The following PSMA4 variants were observed in gnomAD, a reference collection of about 807,000 sequenced individuals.
The protein encoded by PSMA4 is proteasome 20S subunit alpha 4.
PSMA4 carries 8 observed loss-of-function variants against 37.2 expected under a neutral mutation model. That is an observed-to-expected ratio of 0.22 (90% CI 0.13 to 0.39). The LOEUF is 0.39. PSMA4 is among the 10% of genes least tolerant of loss of function. The pLI is 1.00. For synonymous variants in PSMA4, 93 were observed against 98.8 expected (o/e 0.94, Z 0.35); for missense variants, 169 against 305.1 (o/e 0.55, Z 3.32).
intron 8 of PSMA4, among the ~76,000 whole-genome samples, chr15:78,547,898 T>C (rs1448065572): frequency 6.6e-6 from 1 of 151,908 alleles, no homozygotes; most frequent in African/African-American, 2.4e-5. Flanking sequence ...CATGTTGCTT[T>C]ATGTTAGGAC....
At chr15:78,548,636 A>G (rs2052597977) in intron 8 of PSMA4, among the ~76,000 whole-genome samples, 154 bp from the exon 9 acceptor site, 1 of 152,234 alleles carries the variant, frequency 6.6e-6, no homozygotes, top group African/African-American at 2.4e-5. Flanking sequence ...TATTGTTCTC[A>G]TAAAAGGGAA....
intron 7 of PSMA4, 80 bp from the exon 8 acceptor site, chr15:78,546,495 C>A (rs76189127): frequency 0.083 from 102,609 of 1,242,860 alleles, 4,785 homozygotes; most frequent in Non-Finnish European, 0.099. Flanking sequence ...AATAATAATT[C>A]AGGCATTTTT....
In PSMA4 at chr15:78,549,032, A is replaced by T. The variant is rs1467059093; in HGVS notation, c.*88A>T. The T allele has an allele frequency of 1.1e-5, 16 of 1,465,944 alleles. No homozygotes were observed. The African/African-American group carries it at 2.3e-4, about 21-fold the overall frequency. The allele number at this position is 1,465,944 out of a possible 1,614,324, so 90.8% of individuals were successfully genotyped here. A position where few individuals can be genotyped will look rare whatever the true frequency, so the allele number is the denominator to read the frequency against. ...ACACTAGGAAGGCTTTACTTTTTTT[A>T]ACTGGTGCAGTGGGAAAATAGGACA... On this transcript the variant is annotated 3_prime_UTR_variant, in exon 9 of 9. Transcript: ENST00000044462.
intron 8 of PSMA4, among the ~76,000 whole-genome samples, chr15:78,546,982 T>A (rs536493987): frequency 2.6e-4 from 40 of 152,316 alleles, no homozygotes; most frequent in Non-Finnish European, 5.0e-4. Context: ...GCCAGGCTAG[T>A]CATGACCTCC....
intron 8 of PSMA4, among the ~76,000 whole-genome samples, chr15:78,547,417 A>G (rs925338505): frequency 4.6e-5 from 7 of 152,256 alleles, no homozygotes; most frequent in Admixed American, 1.3e-4. Flanking sequence ...ATACTTTACC[A>G]GAGATACAAC....
intron 4 of PSMA4, among the ~76,000 whole-genome samples, chr15:78,543,281 T>C (rs909744459): frequency 7.2e-5 from 11 of 152,142 alleles, no homozygotes; most frequent in African/African-American, 2.7e-4. Context: ...GGCCTTTTGA[T>C]AAACTTGTCC....
At position 78,549,934 on chromosome 15, in the gene PSMA4, C is replaced by G. The variant is rs1404082911; in HGVS notation, c.*990C>G. Reference sequence around the variant, plus strand: ...ATTGAGCCATCATTTACCCTTCTCTCAGCTGTTGTCAACCAAATATGTGCT... The same window carrying G: ...ATTGAGCCATCATTTACCCTTCTCTGAGCTGTTGTCAACCAAATATGTGCT... On this transcript the variant is annotated 3_prime_UTR_variant, in exon 9 of 9. Coordinates refer to ENST00000044462, the MANE Select transcript of PSMA4 (RefSeq NM_002789.6). 6.5e-6 allele frequency: 1 copy of G among 152,784 alleles called. No individual in the cohort carries two copies. The highest frequency in any genetic ancestry group is 6.5e-5 in the Admixed American group (1 of 15,286). 9.5% of individuals were successfully genotyped at this position (152,784 alleles called of 1,614,324 possible). A position where few individuals can be genotyped will look rare whatever the true frequency, so the allele number is the denominator to read the frequency against.
At position 78,545,698 on chromosome 15, in the gene PSMA4, C is replaced by T; in HGVS notation, c.441C>T (p.Leu147=). ...IGWDKHYGFQ[L]YQSDPSGNYG... is the part of the protein sequence containing the mutation. ...GGGATAAGCACTATGGCTTTCAGCT[C>T]TATCAGAGTGACCCTAGTGGAAATT... Residue 147 remains leucine, a synonymous_variant, in exon 7 of 9, where the codon CTC becomes CTT. Transcript: ENST00000044462. 1.9e-6 allele frequency: 3 copies of T among 1,613,844 alleles called. No homozygotes were observed. Among genetic ancestry groups the T allele is most frequent in the Non-Finnish European group, 2.5e-6 (3 of 1,179,752 alleles).
chr15:78,545,561 C>G, intron 6 of PSMA4, 73 bp from the exon 7 acceptor site: 1 of 1,522,784 alleles, frequency 6.6e-7, no homozygotes, highest in South Asian at 1.1e-5. Context: ...TAGCTACCTT[C>G]ACTGAGCTCA....
At position 78,550,665 on chromosome 15, in the gene PSMA4, T is replaced by A. The variant is rs1811491833; in HGVS notation, c.*1721T>A. The A allele has an allele frequency of 1.3e-5, 2 of 152,084 alleles. No individual in the cohort carries two copies. The highest frequency in any genetic ancestry group is 4.8e-5 in the African/African-American group (2 of 41,386). 9.4% of individuals were successfully genotyped at this position (152,084 alleles called of 1,614,324 possible). A position where few individuals can be genotyped will look rare whatever the true frequency, so the allele number is the denominator to read the frequency against. ...CTTCAGCACTATACCTGGGTGCCAT[T>A]TGAAATAGTAAAATCACTAAGAAAA... On this transcript the variant is annotated 3_prime_UTR_variant, in exon 9 of 9. Transcript: ENST00000044462.
Position 78,548,933 on chromosome 15 carries a change from A to G in PSMA4, c.775A>G (p.Lys259Glu). The part of the protein sequence containing the change: ...REKKEKEQKE[K>E]DK ...GAAGAAAGAAAAAGAACAGAAAGAA[A>G]AGGATAAATAGAATCAGAGATTTTA... is the stretch of plus-strand genomic sequence containing the variant. The change falls in exon 9 of 9, where the codon AAG becomes GAG. Residue 259 changes from lysine (K) to glutamate (E), a missense_variant. Physicochemically the swap from Lys to Glu is moderately conservative, Grantham distance 56 (BLOSUM62 1). Coordinates refer to ENST00000044462, the MANE Select transcript of PSMA4 (RefSeq NM_002789.6). 4 of 1,607,008 alleles carry G rather than the reference A, an allele frequency of 2.5e-6. No homozygotes were observed. The highest frequency in any genetic ancestry group is 3.4e-6 in the Non-Finnish European group (4 of 1,178,156).
rs981963986 is a variant in PSMA4, at chr15:78,549,516, T to C, written c.*572T>C. Reference sequence around the variant, plus strand: ...ACCAAGAGATGAGAACAGTTACGTGTTGGCTGAAGGGAGCTCTGTTGCTGG... The same window carrying C: ...ACCAAGAGATGAGAACAGTTACGTGCTGGCTGAAGGGAGCTCTGTTGCTGG... On this transcript the variant is annotated 3_prime_UTR_variant, in exon 9 of 9. Coordinates refer to ENST00000044462, the MANE Select transcript of PSMA4 (RefSeq NM_002789.6). 3 of 152,336 alleles carry C rather than the reference T, an allele frequency of 2.0e-5. No individual in the cohort carries two copies. The highest frequency in any genetic ancestry group is 7.2e-5 in the African/African-American group (3 of 41,464). The allele number at this position is 152,336 out of a possible 1,614,324, so 9.4% of individuals were successfully genotyped here.
Position 78,544,257 on chromosome 15 carries a change from A to G in PSMA4, c.277A>G (p.Ile93Val). Reference protein sequence around the residue: ...ANVLTNELRLIAQRYLLQYQE... With the variant: ...ANVLTNELRLVAQRYLLQYQE... ...TGTTCTGACTAATGAACTAAGGCTC[A>G]TTGCTCAAAGGTATGGTCATAAATA... The change falls in exon 5 of 9, where the codon ATT becomes GTT. Residue 93 changes from isoleucine to valine, a missense_variant. Physicochemically the swap from Ile to Val is conservative, Grantham distance 29. Around this residue, in one of 2 missense-constraint regions of PSMA4, gnomAD observed 79 missense variants for 212.4 expected, o/e 0.37. Transcript: ENST00000044462. 24 of 1,610,748 alleles carry G rather than the reference A, an allele frequency of 1.5e-5. No homozygotes were observed. Among genetic ancestry groups the G allele is most frequent in the Middle Eastern group, 1.7e-4 (1 of 6,050 alleles).
chr15:78,541,360 G>A (rs2052449118), intron 1 of PSMA4: 1 of 157,580 alleles, frequency 6.3e-6, no homozygotes, highest in South Asian at 1.7e-4. Context: ...TCACTCTCTG[G>A]AGAAGGCCTC....
In PSMA4 at chr15:78,551,739, A is replaced by G. The variant is rs1443594176; in HGVS notation, c.*2795A>G. The G allele has an allele frequency of 1.3e-5, 2 of 152,150 alleles. No individual in the cohort carries two copies. Among genetic ancestry groups the G allele is most frequent in the African/African-American group, 4.8e-5 (2 of 41,446 alleles). 9.4% of individuals were successfully genotyped at this position (152,150 alleles called of 1,614,324 possible). On this transcript the variant is annotated 3_prime_UTR_variant, in exon 9 of 9. Transcript: ENST00000044462. The stretch of plus-strand genomic sequence containing the variant: ...TGATGAATGAATAAATACCCTGGAT[A>G]TGCTGGTGTGAAATCCTAAAAAATA...
chr15:78,545,764 TGTGA>T lies in PSMA4; in HGVS notation c.507+3_507+6del. 1 of 1,613,386 alleles carries T rather than the reference TGTGA, an allele frequency of 6.2e-7. No individual in the cohort carries two copies. Among genetic ancestry groups the T allele is most frequent in the Non-Finnish European group, 8.5e-7 (1 of 1,179,606 alleles). Reference sequence around the variant, plus strand: ...CCACATGCATTGGAAATAATAGCGCTGTGAGTATTTTTGTTGTGCTATAAAATCT... The same window carrying T: ...CCACATGCATTGGAAATAATAGCGCTGTATTTTTGTTGTGCTATAAAATCT... On this transcript the variant is annotated splice_donor_variant and splice_donor_region_variant and intron_variant, in intron 7 of 8. Coordinates refer to ENST00000044462, the MANE Select transcript of PSMA4 (RefSeq NM_002789.6). LOFTEE classifies it high-confidence loss of function.
At chr15:78,544,068 A>C (rs1184638363) in intron 4 of PSMA4, 122 bp from the exon 5 acceptor site, 2 of 647,366 alleles carry the variant, frequency 3.1e-6, no homozygotes, top group Non-Finnish European at 5.3e-6. Context: ...TTTCTGAAGG[A>C]AGTAGCTGTT....
rs2052633810 is a variant in PSMA4 at position 78,550,889 on chromosome 15, T to G, written c.*1945T>G. The G allele has an allele frequency of 6.6e-6, 1 of 152,156 alleles. No individual in the cohort carries two copies. The highest frequency in any genetic ancestry group is 6.5e-5 in the Admixed American group (1 of 15,272). The allele number at this position is 152,156 out of a possible 1,614,324, so 9.4% of individuals were successfully genotyped here. A position where few individuals can be genotyped will look rare whatever the true frequency, so the allele number is the denominator to read the frequency against. On this transcript the variant is annotated 3_prime_UTR_variant, in exon 9 of 9. Transcript: ENST00000044462. ...TGGTTTGGGGGTTACATGTACATTT[T>G]ATGAGAATGCAAATTTTGCAAATTC...
In PSMA4 at chr15:78,548,979, T is replaced by A; in HGVS notation, c.*35T>A. 1 of 1,586,336 alleles carries A rather than the reference T, an allele frequency of 6.3e-7. No homozygotes were observed. ...TTTTATTACTCATTTGGGGCACCATTTCAGTGTAAAAGCAGTCCTACTCTT... is the reference window on the plus strand; with the variant it reads ...TTTTATTACTCATTTGGGGCACCATATCAGTGTAAAAGCAGTCCTACTCTT... On this transcript the variant is annotated 3_prime_UTR_variant, in exon 9 of 9. Coordinates refer to ENST00000044462, the MANE Select transcript of PSMA4 (RefSeq NM_002789.6).
Sources: allele counts gnomAD v4.1 joint callset (sites outside exome capture counted in the v4.1 genomes callset), GRCh38; gene constraint gnomAD v4.1.1; regional missense constraint gnomAD v4.1.1; transcripts MANE v1.5; gene names NCBI Gene and HGNC (gene_info 2026-07-23, HGNC 2026-07-21).